The following ARIH2 variants were observed in gnomAD, a reference collection of about 807,000 sequenced individuals.
ARIH2 encodes the protein ariadne RBR E3 ubiquitin protein ligase 2.
Under a neutral mutation model 79.8 loss-of-function variants are expected in ARIH2, and 12 were observed. That is an observed-to-expected ratio of 0.15 (90% CI 0.10 to 0.24). The LOEUF is 0.24. ARIH2 is among the 10% of genes least tolerant of loss of function. The probability of loss-of-function intolerance (pLI) is 1.00; values close to 1 mark genes in which losing one functional copy is unlikely to be tolerated. For missense variants in ARIH2, 301 were observed against 618.3 expected (o/e 0.49, Z 5.44); for synonymous variants, 224 against 213.9 (o/e 1.05, Z -0.41).
intron 11 of ARIH2, among the ~76,000 whole-genome samples, chr3:48,978,608 C>T (rs1021346105): frequency 6.6e-5 from 10 of 150,586 alleles, no homozygotes; most frequent in South Asian, 6.3e-4. Context: ...TGTGAGCTAC[C>T]GCAAAAGCAG....
Position 48,940,162 on chromosome 3 carries a change from C to T in ARIH2, c.255+12349C>T, listed in dbSNP as rs186871264. On this transcript the variant is annotated intron_variant, in intron 3 of 15. Coordinates refer to ENST00000356401, the MANE Select transcript of ARIH2 (RefSeq NM_006321.4). ...CGGAGCTTGCAGTGAGCCAAGATCG[C>T]GCCACTGCACTCCAGCCTGGGCAAC... 1.7e-4 allele frequency among the ~76,000 whole-genome samples: 25 copies of T among 150,694 alleles called. 1 individual carries two copies. In the South Asian group the frequency reaches 3.0e-3, roughly 18 times the overall value.
chr3:48,946,153 CTG>C (rs2089110561), intron 3 of ARIH2, among the ~76,000 whole-genome samples: 1 of 152,100 alleles, frequency 6.6e-6, no homozygotes, highest in Admixed American at 6.6e-5. Flanking sequence ...CATTACATCT[CTG>C]TGAGAAAATC....
intron 9 of ARIH2, among the ~76,000 whole-genome samples, 156 bp downstream of exon 9, chr3:48,973,972 C>A (rs1365857208): frequency 6.6e-6 from 1 of 152,006 alleles, no homozygotes; most frequent in Non-Finnish European, 1.5e-5. Flanking sequence ...GTTGGCAGCT[C>A]GTAGCAGTTT....
At chr3:48,936,028 C>T (rs952834256) in intron 3 of ARIH2, among the ~76,000 whole-genome samples, 6 of 151,992 alleles carry the variant, frequency 3.9e-5, no homozygotes, top group East Asian at 1.9e-4. Flanking sequence ...GAATTGGAGC[C>T]GGGAAAAAGA....
chr3:48,930,404 G>T (rs1395622422), intron 3 of ARIH2, among the ~76,000 whole-genome samples: 1 of 152,098 alleles, frequency 6.6e-6, no homozygotes, highest in Non-Finnish European at 1.5e-5. Context: ...GATCACTTGG[G>T]CCTGGGAGCG....
chr3:48,927,481 A>G lies in ARIH2; in HGVS notation c.-78A>G. 2 of 1,536,972 alleles carry G rather than the reference A, an allele frequency of 1.3e-6. No individual in the cohort carries two copies. Among genetic ancestry groups the G allele is most frequent in the Non-Finnish European group, 1.8e-6 (2 of 1,141,340 alleles). On this transcript the variant is annotated 5_prime_UTR_variant, in exon 3 of 16. Transcript: ENST00000356401. ...CCTTAGAAGACAAAAATACTAATGC[A>G]TTTGAGAAAGCGGTAGTTTTGGGGG...
At chr3:48,937,232 G>A (rs1050316674) in intron 3 of ARIH2, among the ~76,000 whole-genome samples, 2 of 152,202 alleles carry the variant, frequency 1.3e-5, no homozygotes, top group African/African-American at 4.8e-5. Context: ...TAAGCTAACA[G>A]TCTCTTCAAT....
intron 3 of ARIH2, chr3:48,928,023 A>G: frequency 3.4e-6 from 2 of 590,212 alleles, no homozygotes; most frequent in South Asian, 4.5e-5. Context: ...CAAATTAGTA[A>G]GAATTAGAAA....
chr3:48,961,763 C>A, intron 4 of ARIH2, 84 bp downstream of exon 4: 2 of 878,030 alleles, frequency 2.3e-6, no homozygotes, highest in Admixed American at 1.9e-5. Context: ...GGACCATATT[C>A]GACTATATTC....
chr3:48,958,007 C>T (rs1240912621), intron 3 of ARIH2, among the ~76,000 whole-genome samples: 9 of 152,150 alleles, frequency 5.9e-5, no homozygotes, highest in Non-Finnish European at 1.0e-4. Context: ...AGCCACTGCG[C>T]CTGGCCCCAC....
Position 48,981,552 on chromosome 3 carries a change from T to C in ARIH2, c.1258-108T>C, listed in dbSNP as rs139828655. 3.3e-5 allele frequency: 27 copies of C among 830,368 alleles called. No homozygotes were observed. The African/African-American group carries it at 4.3e-4, about 13-fold the overall frequency. The allele number at this position is 830,368 out of a possible 1,614,324, so 51.4% of individuals were successfully genotyped here. A position where few individuals can be genotyped will look rare whatever the true frequency, so the allele number is the denominator to read the frequency against. ...ATCATTTCTTTCAGGCCTATATCTA[T>C]AGAGCTGGGCTAATTTGCATGTTGA... On this transcript the variant is annotated intron_variant, in intron 13 of 15. Coordinates refer to ENST00000356401, the MANE Select transcript of ARIH2 (RefSeq NM_006321.4).
At chr3:48,957,549 G>T (rs968772001) in intron 3 of ARIH2, among the ~76,000 whole-genome samples, 1 of 152,130 alleles carries the variant, frequency 6.6e-6, no homozygotes, top group African/African-American at 2.4e-5. Flanking sequence ...AGGTGGCATA[G>T]TATCTTTGCT....
At chr3:48,932,423 T>C (rs989302683) in intron 3 of ARIH2, among the ~76,000 whole-genome samples, 2 of 152,232 alleles carry the variant, frequency 1.3e-5, no homozygotes, top group African/African-American at 4.8e-5. Flanking sequence ...TTCTACAGTG[T>C]ATTTTTATAT....
intron 3 of ARIH2, among the ~76,000 whole-genome samples, chr3:48,947,394 T>G (rs2107330852): frequency 6.9e-6 from 1 of 145,464 alleles, no homozygotes; most frequent in East Asian, 2.0e-4. Context: ...TGAGCCAAGA[T>G]CGTGCCATTG....
intron 7 of ARIH2, among the ~76,000 whole-genome samples, chr3:48,969,950 A>T (rs906920806): frequency 1.4e-5 from 2 of 146,542 alleles, no homozygotes; most frequent in African/African-American, 5.1e-5. Flanking sequence ...GAGTACAGGG[A>T]CACGATCTCA....
intron 3 of ARIH2, 91 bp downstream of exon 3, chr3:48,927,904 A>G (rs1449835898): frequency 6.7e-7 from 1 of 1,497,832 alleles, no homozygotes; most frequent in Non-Finnish European, 9.0e-7. Context: ...GACTAATTGA[A>G]TGGCCTTGTA....
intron 11 of ARIH2, among the ~76,000 whole-genome samples, chr3:48,978,483 A>ATATAT (rs1288556209): frequency 3.5e-4 from 14 of 40,436 alleles, no homozygotes; most frequent in African/African-American, 8.2e-4. Context: ...ATATATATAT[A>ATATAT]TTTTTTTTTT....
At chr3:48,973,530 T>G in intron 8 of ARIH2, 169 bp from the exon 9 acceptor site, 1 of 479,252 alleles carries the variant, frequency 2.1e-6, no homozygotes, top group Non-Finnish European at 3.7e-6. Context: ...TGAACCGAGA[T>G]CACGCCACTA....
At chr3:48,940,192 C>T (rs1576247318) in intron 3 of ARIH2, among the ~76,000 whole-genome samples, 3 of 151,376 alleles carry the variant, frequency 2.0e-5, no homozygotes, top group Admixed American at 6.6e-5. Flanking sequence ...GGCAACAGAG[C>T]GAGACTCCGT....
Sources: allele counts gnomAD v4.1 joint callset (sites outside exome capture counted in the v4.1 genomes callset), GRCh38; gene constraint gnomAD v4.1.1; transcripts MANE v1.5; gene names NCBI Gene and HGNC (gene_info 2026-07-23, HGNC 2026-07-21).